TIGD1: variants seen among roughly 807,000 people sequenced by gnomAD.
The protein encoded by TIGD1 is tigger transposable element derived 1, also known as tigger transposable element-derived protein 1.
Under a neutral mutation model 21.3 loss-of-function variants are expected in TIGD1, and 20 were observed. The ratio of observed to expected loss-of-function variants is 0.94; its 90% CI spans 0.66 to 1.36. The LOEUF (loss-of-function observed/expected upper bound fraction) is 1.36, where lower values mean the gene tolerates loss of function less well. Among genes scored for constraint, TIGD1 ranks in the 40% most tolerant of loss-of-function variants. TIGD1 has a pLI of 0.00. For synonymous variants in TIGD1, 177 were observed against 123.2 expected (o/e 1.44, Z -2.89); for missense variants, 556 against 350.5 (o/e 1.59, Z -4.68).
rs761112171 is a variant in TIGD1, at chr2:232,544,612, C to G, written c.*3495G>C. ...CACACCAGGTGTGCCTGGGGACAGTCCTCCCCTGGGACCCCAGCTGGGGAG... is the reference window on the plus strand; with the variant it reads ...CACACCAGGTGTGCCTGGGGACAGTGCTCCCCTGGGACCCCAGCTGGGGAG... On this transcript the variant is annotated 3_prime_UTR_variant, in exon 1 of 1. Transcript: ENST00000408957. 6.3e-7 allele frequency: 1 copy of G among 1,589,086 alleles called. No individual in the cohort carries two copies. The highest frequency in any genetic ancestry group is 8.6e-7 in the Non-Finnish European group (1 of 1,158,912).
rs571203227 is a variant in TIGD1, at chr2:232,544,972, G to A, written c.*3135C>T. On this transcript the variant is annotated 3_prime_UTR_variant, in exon 1 of 1. Transcript: ENST00000408957. ...CTTGGAACCGTGATAGAGACAGGAT[G>A]AGTGGGGTTGCCAAGATAGGGCAGT... 5 of 1,600,910 alleles carry A rather than the reference G, an allele frequency of 3.1e-6. No individual in the cohort carries two copies. The highest frequency in any genetic ancestry group is 3.4e-5 in the Admixed American group (2 of 59,036).
At position 232,543,943 on chromosome 2, in the gene TIGD1, AG is replaced by A. The variant is rs1219733275; in HGVS notation, c.*4163del. On this transcript the variant is annotated 3_prime_UTR_variant, in exon 1 of 1. Transcript: ENST00000408957. ...CCCATATCACCTCCAATTACAGATG[AG>A]GACGTTGAGGCGCAGAGAGGTTAAG... Among the ~76,000 whole-genome samples the A allele has an allele frequency of 2.0e-5, 3 of 152,370 alleles. No homozygotes were observed. The highest frequency in any genetic ancestry group is 4.4e-5 in the Non-Finnish European group (3 of 68,036).
rs1216498368 is a variant in TIGD1, at chr2:232,548,754, C to T, written c.1129G>A (p.Gly377Arg). Reference sequence around the variant, plus strand: ...TTAATGGCATCTAAAATGGTGAATCCTTTCCAGAAGGTTTTCAATTTGCTT... The same window carrying T: ...TTAATGGCATCTAAAATGGTGAATCTTTTCCAGAAGGTTTTCAATTTGCTT... ...GQSKLKTFWK[G>R]FTILDAIKNI... Residue 377 changes from glycine (G) to arginine (R), a missense_variant, in exon 1 of 1, where the codon GGA becomes AGA. Gly to Arg is a moderately radical substitution (Grantham distance 125). Transcript: ENST00000408957. 1 of 518,150 alleles carries T rather than the reference C, an allele frequency of 1.9e-6. No homozygotes were observed. 32.1% of individuals were successfully genotyped at this position (518,150 alleles called of 1,614,324 possible). A position where few individuals can be genotyped will look rare whatever the true frequency, so the allele number is the denominator to read the frequency against.
At position 232,545,805 on chromosome 2, in the gene TIGD1, T is replaced by G; in HGVS notation, c.*2302A>C. The G allele has an allele frequency of 6.9e-7, 1 of 1,445,564 alleles. No homozygotes were observed. Among genetic ancestry groups the G allele is most frequent in the Non-Finnish European group, 9.7e-7 (1 of 1,033,636 alleles). 89.5% of individuals were successfully genotyped at this position (1,445,564 alleles called of 1,614,324 possible). ...CACGTTCTCCTACTGAGGTCCTAAG[T>G]GTGCTCTTTGGGAAGTGCCCTTCAG... On this transcript the variant is annotated 3_prime_UTR_variant, in exon 1 of 1. Coordinates refer to ENST00000408957, the MANE Select transcript of TIGD1 (RefSeq NM_145702.4).
rs1392694574 is a variant in TIGD1 at position 232,548,004 on chromosome 2, T to C, written c.*103A>G. On this transcript the variant is annotated 3_prime_UTR_variant, in exon 1 of 1. Transcript: ENST00000408957. ...TTTCCCAATGCATATAAAAGTTATG[T>C]TTACACTATACTGTAGACCAGCAAG... is the stretch of plus-strand genomic sequence containing the variant. 2 of 471,622 alleles carry C rather than the reference T, an allele frequency of 4.2e-6. No individual in the cohort carries two copies. The highest frequency in any genetic ancestry group is 4.0e-5 in the African/African-American group (2 of 49,480). The allele number at this position is 471,622 out of a possible 1,614,324, so 29.2% of individuals were successfully genotyped here. A position where few individuals can be genotyped will look rare whatever the true frequency, so the allele number is the denominator to read the frequency against.
chr2:232,546,954 A>G lies in TIGD1; in HGVS notation c.*1153T>C, dbSNP rs531452539. Among the ~76,000 whole-genome samples, 112 of 117,146 alleles carry G rather than the reference A, an allele frequency of 9.6e-4. No individual in the cohort carries two copies. Among genetic ancestry groups the G allele is most frequent in the African/African-American group, 2.9e-3 (100 of 34,780 alleles). 76.9% of individuals were successfully genotyped at this position (117,146 alleles called of 152,430 possible). On this transcript the variant is annotated 3_prime_UTR_variant, in exon 1 of 1. Coordinates refer to ENST00000408957, the MANE Select transcript of TIGD1 (RefSeq NM_145702.4). ...TGACTGGCCTCCCTTGACCCCACTA[A>G]TCAGGTAGTAAGGCTGGGGTCTTCC...
In TIGD1 at chr2:232,546,078, T is replaced by C; in HGVS notation, c.*2029A>G. The stretch of plus-strand genomic sequence containing the variant: ...TGTATAATACCTTCGGACTTGGGAC[T>C]GGCTCCCCTTTTACAAGTTCTCCCT... On this transcript the variant is annotated 3_prime_UTR_variant, in exon 1 of 1. Transcript: ENST00000408957. 2.7e-6 allele frequency: 1 copy of C among 364,414 alleles called. No individual in the cohort carries two copies. The highest frequency in any genetic ancestry group is 6.9e-5 in the East Asian group (1 of 14,520). 22.6% of individuals were successfully genotyped at this position (364,414 alleles called of 1,614,324 possible). A position where few individuals can be genotyped will look rare whatever the true frequency, so the allele number is the denominator to read the frequency against.
Position 232,547,518 on chromosome 2 carries a change from G to A in TIGD1, c.*589C>T, listed in dbSNP as rs545579889. 7.5e-4 allele frequency among the ~76,000 whole-genome samples: 114 copies of A among 152,340 alleles called. No homozygotes were observed. Among genetic ancestry groups the A allele is most frequent in the African/African-American group, 2.6e-3 (110 of 41,580 alleles). Reference sequence around the variant, plus strand: ...TGGCAGGAGGGGACCTTGGAAATATGCCCTCCCTCCAAGCACAGGATTGCT... The same window carrying A: ...TGGCAGGAGGGGACCTTGGAAATATACCCTCCCTCCAAGCACAGGATTGCT... On this transcript the variant is annotated 3_prime_UTR_variant, in exon 1 of 1. Coordinates refer to ENST00000408957, the MANE Select transcript of TIGD1 (RefSeq NM_145702.4).
Position 232,550,013 on chromosome 2 carries a change from C to G in TIGD1, c.-131G>C, listed in dbSNP as rs759907490. On this transcript the variant is annotated 5_prime_UTR_variant, in exon 1 of 1. Transcript: ENST00000408957. The stretch of plus-strand genomic sequence containing the variant: ...AGAACACACACAACATTAAGTTCCA[C>G]GTCTTATAAAAGACGCTGTATGTGG... The G allele has an allele frequency of 1.9e-6, 1 of 528,582 alleles. No homozygotes were observed. Among genetic ancestry groups the G allele is most frequent in the Non-Finnish European group, 3.4e-6 (1 of 296,544 alleles). The allele number at this position is 528,582 out of a possible 1,614,324, so 32.7% of individuals were successfully genotyped here. A position where few individuals can be genotyped will look rare whatever the true frequency, so the allele number is the denominator to read the frequency against.
In TIGD1 at chr2:232,545,492, G is replaced by C. The variant is rs1331245041; in HGVS notation, c.*2615C>G. ...GCCCAAGGATGAGAACAGGACCCAG[G>C]GAAGACCTGGTGCCGCCGCTGGTTA... On this transcript the variant is annotated 3_prime_UTR_variant, in exon 1 of 1. Coordinates refer to ENST00000408957, the MANE Select transcript of TIGD1 (RefSeq NM_145702.4). 4 of 1,538,144 alleles carry C rather than the reference G, an allele frequency of 2.6e-6. No individual in the cohort carries two copies. In the South Asian group the frequency reaches 4.6e-5, roughly 18 times the overall value.
In TIGD1 at chr2:232,549,314, G is replaced by A. The variant is rs1301884343; in HGVS notation, c.569C>T (p.Ala190Val). 1.5e-6 allele frequency: 1 copy of A among 665,464 alleles called. No individual in the cohort carries two copies. The highest frequency in any genetic ancestry group is 2.7e-6 in the Non-Finnish European group (1 of 369,294). 41.2% of individuals were successfully genotyped at this position (665,464 alleles called of 1,614,324 possible). A position where few individuals can be genotyped will look rare whatever the true frequency, so the allele number is the denominator to read the frequency against. The stretch of plus-strand genomic sequence containing the variant: ...AGATGGCATCTTCTTCCAATAGAAG[G>A]CTGTTTCATCTACATTGAAAATCTG... ...KQQIFNVDET[A>V]FYWKKMPSRT... Residue 190 changes from alanine (A) to valine (V), a missense_variant, in exon 1 of 1, where the codon GCC becomes GTC. Coordinates refer to ENST00000408957, the MANE Select transcript of TIGD1 (RefSeq NM_145702.4).
In TIGD1 at chr2:232,548,019, A is replaced by G; in HGVS notation, c.*88T>C. The G allele has an allele frequency of 1.9e-6, 1 of 538,262 alleles. No homozygotes were observed. The highest frequency in any genetic ancestry group is 3.1e-5 in the East Asian group (1 of 31,950). The allele number at this position is 538,262 out of a possible 1,614,324, so 33.3% of individuals were successfully genotyped here. ...AAAAGTTATGTTTACACTATACTGT[A>G]GACCAGCAAGAGTGCAATAGCATTG... On this transcript the variant is annotated 3_prime_UTR_variant, in exon 1 of 1. Transcript: ENST00000408957.
chr2:232,548,827 A>T lies in TIGD1; in HGVS notation c.1056T>A (p.His352Gln). ...FKSYYLRNTF[H>Q]KALAAMDSDV... is the part of the protein sequence containing the mutation. ...CACTATCCATGGCAGCTAGAGCCTT[A>T]TGAAATGTATTTCTCAAATAATAAG... is the stretch of plus-strand genomic sequence containing the variant. Residue 352 changes from histidine (H) to glutamine (Q), a missense_variant, in exon 1 of 1, where the codon CAT becomes CAA. His to Gln is a conservative substitution (Grantham distance 24). Transcript: ENST00000408957. The T allele has an allele frequency of 1.7e-6, 1 of 580,194 alleles. No individual in the cohort carries two copies. Among genetic ancestry groups the T allele is most frequent in the Non-Finnish European group, 3.2e-6 (1 of 313,302 alleles). 35.9% of individuals were successfully genotyped at this position (580,194 alleles called of 1,614,324 possible).
Position 232,546,078 on chromosome 2 carries a change from T to A in TIGD1, c.*2029A>T, listed in dbSNP as rs919946691. On this transcript the variant is annotated 3_prime_UTR_variant, in exon 1 of 1. Transcript: ENST00000408957. ...TGTATAATACCTTCGGACTTGGGAC[T>A]GGCTCCCCTTTTACAAGTTCTCCCT... 9 of 364,298 alleles carry A rather than the reference T, an allele frequency of 2.5e-5. No homozygotes were observed. In the Admixed American group the frequency reaches 3.1e-4, roughly 12 times the overall value. 22.6% of individuals were successfully genotyped at this position (364,298 alleles called of 1,614,324 possible).
In TIGD1 at chr2:232,545,514, G is replaced by A. The variant is rs986791201; in HGVS notation, c.*2593C>T. On this transcript the variant is annotated 3_prime_UTR_variant, in exon 1 of 1. Coordinates refer to ENST00000408957, the MANE Select transcript of TIGD1 (RefSeq NM_145702.4). ...CAGGGAAGACCTGGTGCCGCCGCTG[G>A]TTATCCCACACCTGCCTCCCACCCT... The A allele has an allele frequency of 6.2e-7, 1 of 1,609,354 alleles. No homozygotes were observed. Among genetic ancestry groups the A allele is most frequent in the Middle Eastern group, 1.7e-4 (1 of 6,016 alleles).
Position 232,546,628 on chromosome 2 carries a change from T to TA in TIGD1, c.*1478dup, listed in dbSNP as rs1692139349. Among the ~76,000 whole-genome samples, 1 of 152,150 alleles carries TA rather than the reference T, an allele frequency of 6.6e-6. No individual in the cohort carries two copies. The highest frequency in any genetic ancestry group is 1.9e-4 in the East Asian group (1 of 5,188). Reference sequence around the variant, plus strand: ...TTGGGATTACAGGCATAAGCCACTGTACCTGGCCTCCTTTTTAATTAAGAG... The same window carrying TA: ...TTGGGATTACAGGCATAAGCCACTGTAACCTGGCCTCCTTTTTAATTAAGAG... On this transcript the variant is annotated 3_prime_UTR_variant, in exon 1 of 1. Coordinates refer to ENST00000408957, the MANE Select transcript of TIGD1 (RefSeq NM_145702.4).
chr2:232,548,152 G>A lies in TIGD1; in HGVS notation c.1731C>T (p.Asp577=), dbSNP rs1323198446. ...GTCGTACTCTTTTTGCTGGTGGAGG[G>A]TCTTGCCTCGAGGTTGATGGTTGCT... ...TSQQPSTSRQ[D]PPPAKRVRLT... is the part of the protein sequence containing the mutation. Residue 577 remains aspartate (D), a synonymous_variant, in exon 1 of 1, where the codon GAC becomes GAT. Coordinates refer to ENST00000408957, the MANE Select transcript of TIGD1 (RefSeq NM_145702.4). The A allele has an allele frequency of 1.6e-6, 2 of 1,223,918 alleles. No individual in the cohort carries two copies. The highest frequency in any genetic ancestry group is 1.5e-5 in the African/African-American group (1 of 66,074). The allele number at this position is 1,223,918 out of a possible 1,614,324, so 75.8% of individuals were successfully genotyped here.
In TIGD1 at chr2:232,548,018, T is replaced by C; in HGVS notation, c.*89A>G. ...TAAAAGTTATGTTTACACTATACTGTAGACCAGCAAGAGTGCAATAGCATT... is the reference window on the plus strand; with the variant it reads ...TAAAAGTTATGTTTACACTATACTGCAGACCAGCAAGAGTGCAATAGCATT... On this transcript the variant is annotated 3_prime_UTR_variant, in exon 1 of 1. Coordinates refer to ENST00000408957, the MANE Select transcript of TIGD1 (RefSeq NM_145702.4). The C allele has an allele frequency of 1.9e-6, 1 of 539,344 alleles. No homozygotes were observed. The highest frequency in any genetic ancestry group is 3.2e-6 in the Non-Finnish European group (1 of 308,250). 33.4% of individuals were successfully genotyped at this position (539,344 alleles called of 1,614,324 possible).
Position 232,546,066 on chromosome 2 carries a change from C to T in TIGD1, c.*2041G>A, listed in dbSNP as rs958921369. On this transcript the variant is annotated 3_prime_UTR_variant, in exon 1 of 1. Transcript: ENST00000408957. The stretch of plus-strand genomic sequence containing the variant: ...GAAGGACTGTTTTGTATAATACCTT[C>T]GGACTTGGGACTGGCTCCCCTTTTA... 3 of 379,658 alleles carry T rather than the reference C, an allele frequency of 7.9e-6. No individual in the cohort carries two copies. Among genetic ancestry groups the T allele is most frequent in the South Asian group, 2.2e-5 (1 of 44,834 alleles). The allele number at this position is 379,658 out of a possible 1,614,324, so 23.5% of individuals were successfully genotyped here.
Sources: allele counts gnomAD v4.1 joint callset (sites outside exome capture counted in the v4.1 genomes callset), GRCh38; gene constraint gnomAD v4.1.1; transcripts MANE v1.5; gene names NCBI Gene and HGNC (gene_info 2026-07-23, HGNC 2026-07-21).